STX8: variants seen among roughly 807,000 people sequenced by gnomAD.
STX8 encodes syntaxin 8.
A neutral mutation model predicts 37.5 loss-of-function variants in STX8; 23 were observed. The ratio of observed to expected loss-of-function variants is 0.61; its 90% CI spans 0.44 to 0.87. The LOEUF (loss-of-function observed/expected upper bound fraction) is 0.87. STX8 is among the 40% of genes least tolerant of loss of function. The probability of loss-of-function intolerance (pLI) is 0.00; values close to 1 mark genes in which losing one functional copy is unlikely to be tolerated. For missense variants in STX8, 313 were observed against 284.7 expected, an observed-to-expected ratio of 1.10 and a Z score of -0.71; for synonymous variants, 115 against 99.1, an observed-to-expected ratio of 1.16 and a Z score of -0.95.
At chr17:9,281,671 C>T (rs1241264243) in intron 7 of STX8, among the ~76,000 whole-genome samples, 3 of 152,182 alleles carry the variant, frequency 2.0e-5, no homozygotes, top group East Asian at 1.9e-4. Flanking sequence ...CAGTGGCTCA[C>T]GCCTGTAATC....
chr17:9,374,991 G>T (rs567918211), intron 7 of STX8, among the ~76,000 whole-genome samples: 1 of 149,562 alleles, frequency 6.7e-6, no homozygotes, highest in African/African-American at 2.5e-5. Context: ...TTGAACCTGG[G>T]AGGCAGAGGT....
intron 5 of STX8, among the ~76,000 whole-genome samples, chr17:9,503,894 A>G (rs1904718914): frequency 2.6e-5 from 4 of 152,028 alleles, no homozygotes; most frequent in African/African-American, 9.7e-5. Flanking sequence ...CCTCCTGAGT[A>G]GCTAGGACTA....
In STX8 at chr17:9,268,932, A is replaced by G. The variant is rs1907335122; in HGVS notation, c.644-18287T>C. ...GCCGGGTGCAGTGGCTCACGCCTGT[A>G]ATCCCAGCACTTTGGGAGGCTGAGG... On this transcript the variant is annotated intron_variant, in intron 7 of 7. Transcript: ENST00000306357. Among the ~76,000 whole-genome samples, 6 of 152,226 alleles carry G rather than the reference A, an allele frequency of 3.9e-5. No individual in the cohort carries two copies. The South Asian group carries it at 8.3e-4, about 21-fold the overall frequency.
At chr17:9,536,748 T>A (rs1435742152) in intron 4 of STX8, among the ~76,000 whole-genome samples, 2 of 73,316 alleles carry the variant, frequency 2.7e-5, no homozygotes, top group African/African-American at 1.7e-4. Flanking sequence ...CTTATTATTA[T>A]TTTTTTTTTT....
At chr17:9,524,361 G>A (rs1473696752) in intron 4 of STX8, among the ~76,000 whole-genome samples, 3 of 152,120 alleles carry the variant, frequency 2.0e-5, no homozygotes, top group East Asian at 3.8e-4. Flanking sequence ...AAGCAGATAC[G>A]GTGTCTGGTG....
intron 4 of STX8, among the ~76,000 whole-genome samples, chr17:9,527,111 G>A (rs1454414602): frequency 2.9e-5 from 4 of 140,226 alleles, no homozygotes; most frequent in South Asian, 2.4e-4. Context: ...CCCGGGAAGC[G>A]GAGCTTGCAG....
chr17:9,532,303 T>C (rs1195971808), intron 4 of STX8, among the ~76,000 whole-genome samples: 1 of 152,214 alleles, frequency 6.6e-6, no homozygotes, highest in Non-Finnish European at 1.5e-5. Flanking sequence ...TTAAGAGTAT[T>C]ACTTTAAGCC....
At position 9,490,973 on chromosome 17, in the gene STX8, T is replaced by C. The variant is rs555588588; in HGVS notation, c.541+856A>G. Among the ~76,000 whole-genome samples the C allele has an allele frequency of 3.9e-5, 6 of 152,292 alleles. No individual in the cohort carries two copies. In the East Asian group the frequency reaches 9.7e-4, roughly 25 times the overall value. On this transcript the variant is annotated intron_variant, in intron 6 of 7. Coordinates refer to ENST00000306357, the MANE Select transcript of STX8 (RefSeq NM_004853.3). The stretch of plus-strand genomic sequence containing the variant: ...GACATAGATGAAAGGGCTTAGCACA[T>C]AGTGGGGGCTTTCCATAAATGCCAG...
At chr17:9,362,276 G>A (rs1219323993) in intron 7 of STX8, among the ~76,000 whole-genome samples, 1 of 152,216 alleles carries the variant, frequency 6.6e-6, no homozygotes, top group African/African-American at 2.4e-5. Flanking sequence ...GTTGCAGTGA[G>A]ATCGTACCAC....
At chr17:9,373,035 C>T (rs143946250) in intron 7 of STX8, among the ~76,000 whole-genome samples, 4,819 of 148,632 alleles carry the variant, frequency 0.032, 159 homozygotes, top group African/African-American at 0.087. Context: ...ACCTGGGAGA[C>T]GGAGGTTGCA....
intron 4 of STX8, among the ~76,000 whole-genome samples, chr17:9,513,313 C>CAAA (rs35228175): frequency 3.5e-4 from 27 of 78,030 alleles, no homozygotes; most frequent in African/African-American, 1.0e-3. Flanking sequence ...ACTCTATTTC[C>CAAA]AAAAAAAAAA....
chr17:9,481,673 G>A (rs74986669), intron 6 of STX8, among the ~76,000 whole-genome samples: 3,785 of 152,218 alleles, frequency 0.025, 138 homozygotes, highest in African/African-American at 0.084. Flanking sequence ...ACCCCAAGCC[G>A]CAGACCAACA....
chr17:9,341,915 C>T (rs8071380), intron 7 of STX8, among the ~76,000 whole-genome samples: 80,091 of 151,846 alleles, frequency 0.53, 21,678 homozygotes, highest in African/African-American at 0.63. Flanking sequence ...AGGTGGCAGA[C>T]GAGACCATGT....
intron 4 of STX8, among the ~76,000 whole-genome samples, chr17:9,537,005 C>G (rs1906087715): frequency 6.6e-6 from 1 of 152,162 alleles, no homozygotes; most frequent in South Asian, 2.1e-4. Context: ...GCCCTGGCCT[C>G]CCAAAGCGCT....
chr17:9,439,095 T>C (rs1904548520), intron 6 of STX8, among the ~76,000 whole-genome samples: 1 of 152,310 alleles, frequency 6.6e-6, no homozygotes, highest in East Asian at 1.9e-4. Flanking sequence ...TTTAAAAATA[T>C]AAATGCCATT....
At chr17:9,334,986 A>G (rs1910088732) in intron 7 of STX8, among the ~76,000 whole-genome samples, 1 of 152,142 alleles carries the variant, frequency 6.6e-6, no homozygotes, top group Non-Finnish European at 1.5e-5. Flanking sequence ...CACCATTTCT[A>G]ATCAGTAGTT....
chr17:9,563,017 T>C (rs893753070), intron 2 of STX8, among the ~76,000 whole-genome samples: 5 of 152,100 alleles, frequency 3.3e-5, no homozygotes, highest in African/African-American at 1.2e-4. Flanking sequence ...AAATAAAGAA[T>C]GTTACATCTA....
chr17:9,395,878 T>C (rs1243050460), intron 6 of STX8, among the ~76,000 whole-genome samples: 4 of 152,188 alleles, frequency 2.6e-5, no homozygotes, highest in Non-Finnish European at 5.9e-5. Context: ...ATTCTTTTAA[T>C]TTTAAAATAT....
intron 4 of STX8, among the ~76,000 whole-genome samples, chr17:9,543,132 C>G (rs1363490632): frequency 2.0e-5 from 3 of 152,106 alleles, no homozygotes; most frequent in Admixed American, 6.6e-5. Flanking sequence ...CTCATCACTA[C>G]CAAGCAGAAT....
Sources: allele counts gnomAD v4.1 joint callset (sites outside exome capture counted in the v4.1 genomes callset), GRCh38; gene constraint gnomAD v4.1.1; transcripts MANE v1.5; gene names NCBI Gene and HGNC (gene_info 2026-07-23, HGNC 2026-07-21).